The following EYS variants were observed in gnomAD, a reference collection of about 807,000 sequenced individuals.
EYS encodes the protein protein eyes shut homolog.
In EYS, 250 loss-of-function variants were observed where a neutral mutation model predicts 282.1. The ratio of observed to expected loss-of-function variants is 0.89; its 90% CI spans 0.80 to 0.98. EYS has a LOEUF of 0.98. EYS is among the 50% of genes least tolerant of loss of function. The pLI is 0.00. For synonymous variants in EYS, 1,355 were observed against 1,282.9 expected, an observed-to-expected ratio of 1.06 and a Z score of -1.20; for missense variants, 4,016 against 3,709.0, an observed-to-expected ratio of 1.08 and a Z score of -2.15.
intron 29 of EYS, among the ~76,000 whole-genome samples, chr6:64,333,732 C>CA (rs1770729758): frequency 6.6e-6 from 1 of 152,158 alleles, no homozygotes; most frequent in African/African-American, 2.4e-5. Flanking sequence ...CCCAATGCAA[C>CA]AGTTTAGGTT....
intron 31 of EYS, among the ~76,000 whole-genome samples, chr6:64,095,432 G>A (rs1582261478): frequency 6.6e-6 from 1 of 152,024 alleles, no homozygotes; most frequent in African/African-American, 2.4e-5. Flanking sequence ...ATGAATCTGG[G>A]TGCTCCTGTA....
intron 28 of EYS, among the ~76,000 whole-genome samples, chr6:64,413,858 T>C (rs1773982396): frequency 6.6e-6 from 1 of 152,146 alleles, no homozygotes; most frequent in African/African-American, 2.4e-5. Flanking sequence ...GTGACATGTT[T>C]GAGAGGTGGT....
intron 14 of EYS, among the ~76,000 whole-genome samples, chr6:64,952,076 G>T (rs1344806060): frequency 6.6e-6 from 1 of 151,870 alleles, no homozygotes; most frequent in African/African-American, 2.4e-5. Flanking sequence ...AATGAACAAA[G>T]ACATATTATC....
At chr6:64,135,952 A>G (rs1376986230) in intron 31 of EYS, among the ~76,000 whole-genome samples, 3 of 152,046 alleles carry the variant, frequency 2.0e-5, no homozygotes, top group Non-Finnish European at 4.4e-5. Context: ...TAATTGACTT[A>G]CAAAAGATTC....
At chr6:64,718,443 A>G (rs1333211577) in intron 22 of EYS, among the ~76,000 whole-genome samples, 6 of 152,080 alleles carry the variant, frequency 3.9e-5, no homozygotes, top group Admixed American at 2.0e-4. Context: ...TAAAATACAT[A>G]TTTCATGTAT....
chr6:65,181,650 C>T (rs187384917), intron 12 of EYS, among the ~76,000 whole-genome samples: 28 of 152,158 alleles, frequency 1.8e-4, no homozygotes, highest in East Asian at 1.2e-3. Context: ...ATCAGTGTGG[C>T]GATTCCTTAG....
chr6:65,646,824 A>G (rs1000450330), intron 1 of EYS, among the ~76,000 whole-genome samples: 1 of 152,220 alleles, frequency 6.6e-6, no homozygotes, highest in Non-Finnish European at 1.5e-5. Flanking sequence ...GCAAAGTTTC[A>G]GGATACAAAA....
intron 40 of EYS, among the ~76,000 whole-genome samples, chr6:63,764,634 C>T (rs1769737799): frequency 6.6e-6 from 1 of 151,752 alleles, no homozygotes; most frequent in African/African-American, 2.4e-5. Context: ...TTCACTTACA[C>T]TTTATTGTAT....
At chr6:64,647,229 C>T (rs191741256) in intron 22 of EYS, among the ~76,000 whole-genome samples, 52 of 152,056 alleles carry the variant, frequency 3.4e-4, no homozygotes, top group Non-Finnish European at 6.5e-4. Context: ...AGTAAAGTAC[C>T]TCCTGACAAA....
chr6:64,781,260 C>G (rs992998914), intron 22 of EYS, among the ~76,000 whole-genome samples: 11 of 152,100 alleles, frequency 7.2e-5, no homozygotes, highest in Non-Finnish European at 1.5e-4. Flanking sequence ...TACTGATAAG[C>G]TAGCCCCACC....
chr6:64,911,268 T>C (rs1282726392), intron 16 of EYS, among the ~76,000 whole-genome samples: 2 of 152,136 alleles, frequency 1.3e-5, no homozygotes, highest in African/African-American at 4.8e-5. Flanking sequence ...TTTTCTTCTC[T>C]ATCTTGTTTT....
chr6:64,429,162 A>T (rs1266037124), intron 28 of EYS, among the ~76,000 whole-genome samples: 2 of 152,218 alleles, frequency 1.3e-5, no homozygotes, highest in Non-Finnish European at 2.9e-5. Context: ...TTTGACTAAC[A>T]GTATTAATAA....
intron 30 of EYS, among the ~76,000 whole-genome samples, chr6:64,285,196 T>C (rs1259266069): frequency 6.6e-6 from 1 of 151,702 alleles, no homozygotes; most frequent in Non-Finnish European, 1.5e-5. Context: ...GAATGCTTTA[T>C]CACTTAGAAA....
chr6:65,578,018 A>C (rs942937914), intron 2 of EYS, among the ~76,000 whole-genome samples: 3 of 151,854 alleles, frequency 2.0e-5, no homozygotes, highest in African/African-American at 7.2e-5. Flanking sequence ...AACAGTGTGG[A>C]GGTTTCTCAA....
intron 12 of EYS, among the ~76,000 whole-genome samples, chr6:65,221,615 T>C (rs889005212): frequency 6.6e-6 from 1 of 152,188 alleles, no homozygotes; most frequent in African/African-American, 2.4e-5. Flanking sequence ...GAACCTCTGC[T>C]AGGTCAGTGT....
chr6:65,442,940 G>A (rs34922045), intron 5 of EYS, among the ~76,000 whole-genome samples: 42,482 of 99,956 alleles, frequency 0.43, 11,584 homozygotes, highest in African/African-American at 0.58. Context: ...ATGTATATAC[G>A]TATATACATG....
At chr6:65,577,031 A>G (rs1187535974) in intron 2 of EYS, among the ~76,000 whole-genome samples, 1 of 151,882 alleles carries the variant, frequency 6.6e-6, no homozygotes, top group African/African-American at 2.4e-5. Flanking sequence ...TTACATCAAA[A>G]TTTCAATGAC....
At chr6:64,388,017 C>T (rs1362929326) in intron 29 of EYS, among the ~76,000 whole-genome samples, 2 of 151,800 alleles carry the variant, frequency 1.3e-5, no homozygotes. Context: ...AGGTAAAATG[C>T]AATGGTAAAT....
chr6:65,025,953 C>T (rs1772396066), intron 13 of EYS, among the ~76,000 whole-genome samples: 2 of 152,152 alleles, frequency 1.3e-5, no homozygotes, highest in South Asian at 4.1e-4. Context: ...TATTTTAAAA[C>T]TCAGTCCATA....
Sources: gnomAD v4.1 joint callset for allele counts (sites outside exome capture counted in the v4.1 genomes callset) on GRCh38, gnomAD v4.1.1 for gene constraint, MANE v1.5 for transcripts, NCBI Gene and HGNC (gene_info 2026-07-23, HGNC 2026-07-21) for gene names.